The following SCTR variants were observed in gnomAD, a reference collection of about 807,000 sequenced individuals.
The protein encoded by SCTR is secretin receptor.
A neutral mutation model predicts 60.8 loss-of-function variants in SCTR; 56 were observed. The observed-to-expected ratio is 0.92, with a 90% CI of 0.74 to 1.15. SCTR has a LOEUF of 1.15. Among genes scored for constraint, SCTR ranks in the 50% most tolerant of loss-of-function variants. The probability of loss-of-function intolerance (pLI) is 0.00; values close to 1 mark genes in which losing one functional copy is unlikely to be tolerated. For synonymous variants in SCTR, 202 were observed against 217.0 expected, an observed-to-expected ratio of 0.93 and a Z score of 0.61; for missense variants, 562 against 550.4, an observed-to-expected ratio of 1.02 and a Z score of -0.21.
chr2:119,521,380 A>G (rs1305650260), intron 1 of SCTR, among the ~76,000 whole-genome samples: 1 of 152,194 alleles, frequency 6.6e-6, no homozygotes, highest in African/African-American at 2.4e-5. Flanking sequence ...TCCTTCTTAC[A>G]CTGTGACAGA....
chr2:119,478,491 T>C (rs969392941), intron 3 of SCTR, among the ~76,000 whole-genome samples: 1 of 152,122 alleles, frequency 6.6e-6, no homozygotes, highest in African/African-American at 2.4e-5. Context: ...ACAAGGCCCC[T>C]GGTTGCTAAG....
intron 3 of SCTR, among the ~76,000 whole-genome samples, chr2:119,475,611 T>TAC (rs981024294): frequency 6.8e-6 from 1 of 146,922 alleles, no homozygotes. Flanking sequence ...TGCATATATA[T>TAC]ATATATATAG....
intron 1 of SCTR, among the ~76,000 whole-genome samples, chr2:119,508,383 CTTTTTTTTTTTTT>C (rs34070844): frequency 1.3e-5 from 1 of 77,376 alleles, no homozygotes; most frequent in Non-Finnish European, 2.3e-5. Context: ...TCTTCTTCTT[CTTTTTTTTTTTTT>C]TTTTTTTTTT....
rs914056667 is a variant in SCTR at position 119,441,565 on chromosome 2, T to C, written c.1175A>G (p.Asn392Ser). Residue 392 changes from asparagine to serine, a missense_variant, in exon 12 of 13, where the codon AAT (asparagine) becomes AGT (serine). Transcript: ENST00000019103. ...LVVAVLYCFLNGEVQLEVQKK... is the reference protein window; with the variant it reads ...LVVAVLYCFLSGEVQLEVQKK... ...TGACCCAAGACTACTCACCTCCCCATTGAGGAAGCAGTAGAGGACGGCCAC... is the reference window on the plus strand; with the variant it reads ...TGACCCAAGACTACTCACCTCCCCACTGAGGAAGCAGTAGAGGACGGCCAC... 1.9e-5 allele frequency: 31 copies of C among 1,612,376 alleles called. No homozygotes were observed. The highest frequency in any genetic ancestry group is 4.0e-5 in the African/African-American group (3 of 74,872).
At chr2:119,451,953 G>A in intron 9 of SCTR, 57 bp downstream of exon 9, 2 of 1,084,302 alleles carry the variant, frequency 1.8e-6, no homozygotes, top group South Asian at 2.6e-5. Context: ...CCTGTGGGCT[G>A]GTCACCATTT....
intron 1 of SCTR, among the ~76,000 whole-genome samples, chr2:119,516,532 GA>G: frequency 6.6e-6 from 1 of 152,162 alleles, no homozygotes; most frequent in East Asian, 1.9e-4. Flanking sequence ...AAGCAGCAGG[GA>G]GTTGAATGGT....
intron 4 of SCTR, among the ~76,000 whole-genome samples, chr2:119,468,054 A>G (rs1683911777): frequency 6.6e-6 from 1 of 152,196 alleles, no homozygotes; most frequent in Non-Finnish European, 1.5e-5. Context: ...CAGCCATTCC[A>G]TGTGGTTCAA....
intron 7 of SCTR, among the ~76,000 whole-genome samples, 166 bp downstream of exon 7, chr2:119,461,681 A>G (rs1021290599): frequency 6.7e-6 from 1 of 148,372 alleles, no homozygotes; most frequent in African/African-American, 2.5e-5. Context: ...ATTGCACTTC[A>G]GCCTGGGCAA....
At chr2:119,509,956 A>G (rs1678878084) in intron 1 of SCTR, among the ~76,000 whole-genome samples, 2 of 152,072 alleles carry the variant, frequency 1.3e-5, no homozygotes, top group Non-Finnish European at 2.9e-5. Context: ...TTTCAGGGTT[A>G]ATCTATGTAG....
At chr2:119,494,347 C>A in intron 2 of SCTR, 81 bp downstream of exon 2, 1 of 1,500,870 alleles carries the variant, frequency 6.7e-7, no homozygotes, top group East Asian at 2.3e-5. Flanking sequence ...CCATCCTGGC[C>A]CAGGATAAGC....
intron 1 of SCTR, among the ~76,000 whole-genome samples, chr2:119,501,847 C>CA (rs565407333): frequency 1.6e-4 from 24 of 150,670 alleles, no homozygotes; most frequent in East Asian, 3.9e-4. Flanking sequence ...AGGAATCTAC[C>CA]AAAAAAAAAT....
At chr2:119,478,788 G>A (rs41279778) in intron 3 of SCTR, 23 bp downstream of exon 3, 42,909 of 1,612,640 alleles carry the variant, frequency 0.027, 772 homozygotes, top group South Asian at 0.062. Flanking sequence ...CTGTCCGCCA[G>A]GCCCCATGGG....
At chr2:119,489,557 G>A (rs565884699) in intron 2 of SCTR, among the ~76,000 whole-genome samples, 7 of 152,316 alleles carry the variant, frequency 4.6e-5, no homozygotes, top group African/African-American at 1.4e-4. Context: ...GGTGCGAGAC[G>A]AGAGAGAAAC....
rs79369037 is a variant in SCTR at position 119,462,088 on chromosome 2, T to C, written c.637-88A>G. ...CCCCAAAGGGAGCAACAGGGTGTTGTAGGGGCAGGAGCCAGGCCACAAGAG... is the reference window on the plus strand; with the variant it reads ...CCCCAAAGGGAGCAACAGGGTGTTGCAGGGGCAGGAGCCAGGCCACAAGAG... On this transcript the variant is annotated intron_variant, in intron 6 of 12. Transcript: ENST00000019103. 8 of 1,350,734 alleles carry C rather than the reference T, an allele frequency of 5.9e-6. No homozygotes were observed. In the East Asian group the frequency reaches 9.8e-5, roughly 17 times the overall value. 83.7% of individuals were successfully genotyped at this position (1,350,734 alleles called of 1,614,324 possible).
chr2:119,493,471 G>C lies in SCTR; in HGVS notation c.193+957C>G, dbSNP rs140420654. ...GAGCAAAGATGAGACGTTTAGTAAG[G>C]GAATAAAAATAAAGTTAACATTTAA... is the stretch of plus-strand genomic sequence containing the variant. On this transcript the variant is annotated intron_variant, in intron 2 of 12. Transcript: ENST00000019103. 6.5e-3 allele frequency among the ~76,000 whole-genome samples: 982 copies of C among 151,908 alleles called. 7 individuals carry two copies. Among genetic ancestry groups the C allele is most frequent in the Admixed American group, 0.013 (205 of 15,254 alleles).
At chr2:119,515,764 C>A in intron 1 of SCTR, among the ~76,000 whole-genome samples, 1 of 152,196 alleles carries the variant, frequency 6.6e-6, no homozygotes, top group East Asian at 1.9e-4. Context: ...CTCAGAACCA[C>A]GTTGGCCTGA....
chr2:119,500,717 G>T (rs1416060000), intron 1 of SCTR, among the ~76,000 whole-genome samples: 2 of 152,192 alleles, frequency 1.3e-5, no homozygotes, highest in South Asian at 2.1e-4. Flanking sequence ...GTTACCAGAG[G>T]CTGGGAAGGG....
At chr2:119,508,537 C>T (rs890523025) in intron 1 of SCTR, among the ~76,000 whole-genome samples, 4 of 151,762 alleles carry the variant, frequency 2.6e-5, no homozygotes, top group Non-Finnish European at 5.9e-5. Context: ...CAGGCGCATA[C>T]CACCACACTC....
At chr2:119,510,723 C>T (rs1678902704) in intron 1 of SCTR, among the ~76,000 whole-genome samples, 1 of 145,532 alleles carries the variant, frequency 6.9e-6, no homozygotes, top group African/African-American at 2.8e-5. Context: ...TTTTTTAAAT[C>T]CCTTTAAATT....
Sources: gnomAD v4.1 joint callset for allele counts (sites outside exome capture counted in the v4.1 genomes callset) on GRCh38, gnomAD v4.1.1 for gene constraint, MANE v1.5 for transcripts, NCBI Gene and HGNC (gene_info 2026-07-23, HGNC 2026-07-21) for gene names.